GSDME: variants seen among roughly 807,000 people sequenced by gnomAD.
GSDME encodes the protein gasdermin-E.
A neutral mutation model predicts 47.5 loss-of-function variants in GSDME; 44 were observed. That is an observed-to-expected ratio of 0.93 (90% confidence interval 0.73 to 1.19). The LOEUF (loss-of-function observed/expected upper bound fraction) is 1.19. GSDME is among the 50% of genes most tolerant of loss of function. GSDME has a pLI of 0.00. For synonymous variants in GSDME, 258 were observed against 252.8 expected, an observed-to-expected ratio of 1.02 and a Z score of -0.20; for missense variants, 663 against 604.2, an observed-to-expected ratio of 1.10 and a Z score of -1.02.
At chr7:24,723,856 A>G (rs1468433754) in intron 3 of GSDME, among the ~76,000 whole-genome samples, 1 of 152,208 alleles carries the variant, frequency 6.6e-6, no homozygotes, top group Non-Finnish European at 1.5e-5. Flanking sequence ...TGGAGGCTGG[A>G]AAAGCAAGTT....
chr7:24,770,849 A>C, the GSDME span, among the ~76,000 whole-genome samples: 3 of 152,076 alleles, frequency 2.0e-5, no homozygotes, highest in East Asian at 5.8e-4. This position sits in a 1 kb window ranked among gnomAD's most constrained non-coding sequence, Gnocchi z 4.6. Flanking sequence ...AAACTTCAAA[A>C]CCAAAAAGCA....
chr7:24,786,748 C>T, the GSDME span, among the ~76,000 whole-genome samples: 1 of 152,158 alleles, frequency 6.6e-6, no homozygotes, highest in South Asian at 2.1e-4. The surrounding 1 kb of genome is among the most constrained non-coding windows in gnomAD (Gnocchi z 5.5). Flanking sequence ...GATGGCTGCA[C>T]AGCAATGTGA....
chr7:24,709,016 C>G (rs1320483807), intron 6 of GSDME, among the ~76,000 whole-genome samples: 1 of 152,186 alleles, frequency 6.6e-6, no homozygotes, highest in African/African-American at 2.4e-5. Context: ...GGGATGCACA[C>G]TAATACATCA....
intron 7 of GSDME, 44 bp from the exon 8 acceptor site, chr7:24,706,420 C>T (rs1445973783): frequency 6.3e-7 from 1 of 1,587,152 alleles, no homozygotes. Context: ...AGCTGGAGAC[C>T]AAGCGCCACA....
chr7:24,719,756 G>A (rs912217590), intron 3 of GSDME, among the ~76,000 whole-genome samples: 3 of 151,930 alleles, frequency 2.0e-5, no homozygotes, highest in African/African-American at 7.3e-5. Flanking sequence ...TCATGCCATT[G>A]CGCTCCAGCC....
chr7:24,747,842 A>G lies in GSDME; in HGVS notation c.211+1722T>C, dbSNP rs146948185. 6.7e-3 allele frequency among the ~76,000 whole-genome samples: 1,013 copies of G among 151,430 alleles called. 9 individuals are homozygous for G. The highest frequency in any genetic ancestry group is 0.023 in the African/African-American group (969 of 41,248). On this transcript the variant is annotated intron_variant, in intron 2 of 9. Coordinates refer to ENST00000645220, the MANE Select transcript of GSDME (RefSeq NM_001127453.2). ...GCCACCATGCCTGGCTAATTTTTCT[A>G]TTTTTTTGTAGAGATGGGGTTTGCC...
At chr7:24,727,374 G>C (rs1423749391) in intron 3 of GSDME, among the ~76,000 whole-genome samples, 1 of 152,210 alleles carries the variant, frequency 6.6e-6, no homozygotes, top group Non-Finnish European at 1.5e-5. Context: ...AGTACTGCCA[G>C]AGCTGGTTTC....
the GSDME span, among the ~76,000 whole-genome samples, chr7:24,766,158 T>C: frequency 6.6e-6 from 1 of 151,432 alleles, no homozygotes; most frequent in African/African-American, 2.4e-5. This position sits in a 1 kb window ranked among gnomAD's most constrained non-coding sequence, Gnocchi z 4.2. Flanking sequence ...GTGATTTCTA[T>C]GGCCATGATA....
chr7:24,741,047 G>A (rs924661824), intron 3 of GSDME, among the ~76,000 whole-genome samples: 6 of 152,154 alleles, frequency 3.9e-5, no homozygotes, highest in African/African-American at 1.2e-4. Context: ...TCAGCCAGGA[G>A]AAAGCCTTCA....
At chr7:24,707,482 C>G (rs990309029) in intron 7 of GSDME, 1 of 467,416 alleles carries the variant, frequency 2.1e-6, no homozygotes, top group African/African-American at 2.0e-5. Flanking sequence ...ATGGAACAGG[C>G]TGACTTTATA....
At chr7:24,708,917 T>G (rs1305421031) in intron 6 of GSDME, among the ~76,000 whole-genome samples, 1 of 152,188 alleles carries the variant, frequency 6.6e-6, no homozygotes, top group East Asian at 1.9e-4. Context: ...TTTGTTTGTT[T>G]GTTTGTTTTT....
intron 3 of GSDME, among the ~76,000 whole-genome samples, chr7:24,740,815 T>C (rs1449677344): frequency 6.6e-6 from 1 of 152,216 alleles, no homozygotes; most frequent in Non-Finnish European, 1.5e-5. Flanking sequence ...CATTACTGTA[T>C]GTGCATAGAA....
chr7:24,726,605 C>T lies in GSDME; in HGVS notation c.405-7387G>A, dbSNP rs1020490870. On this transcript the variant is annotated intron_variant, in intron 3 of 9. Transcript: ENST00000645220. The surrounding 1 kb of genome is among the most constrained non-coding windows in gnomAD (Gnocchi z 5.6). ...TTGGGAGGCCGAGGCGGGCGGATCA[C>T]GAGGTCAGGAGATCGAGACCATCCT... Among the ~76,000 whole-genome samples, 4 of 152,214 alleles carry T rather than the reference C, an allele frequency of 2.6e-5. No individual in the cohort carries two copies. Among genetic ancestry groups the T allele is most frequent in the Admixed American group, 1.3e-4 (2 of 15,292 alleles).
In GSDME at chr7:24,712,209, C is replaced by T. The variant is rs1318034916; in HGVS notation, c.698-1821G>A. On this transcript the variant is annotated intron_variant, in intron 5 of 9. Transcript: ENST00000645220. The surrounding 1 kb of genome is among the most constrained non-coding windows in gnomAD (Gnocchi z 4.4). ...GGCCCACACCAGCATTCAGGCTGAC[C>T]CTACTCCTCCACACTTTGCGCTTAG... Among the ~76,000 whole-genome samples, 1 of 152,212 alleles carries T rather than the reference C, an allele frequency of 6.6e-6. No individual in the cohort carries two copies. The highest frequency in any genetic ancestry group is 2.4e-5 in the African/African-American group (1 of 41,440).
At chr7:24,743,812 G>A (rs1790563371) in intron 3 of GSDME, among the ~76,000 whole-genome samples, 1 of 152,206 alleles carries the variant, frequency 6.6e-6, no homozygotes, top group South Asian at 2.1e-4. Flanking sequence ...CACTTTCTAA[G>A]TTCGTAGCCC....
In GSDME at chr7:24,756,832, G is replaced by A. The variant is rs951814323; in HGVS notation, c.-20+564C>T. On this transcript the variant is annotated intron_variant, in intron 1 of 9. Transcript: ENST00000645220. This position sits in a 1 kb window ranked among gnomAD's most constrained non-coding sequence, Gnocchi z 4.2. The stretch of plus-strand genomic sequence containing the variant: ...TTCCAGCGCATGCCAGGCACACCGA[G>A]TGGGGCTTGGCCTCCTCCCCAAGCT... 1.3e-5 allele frequency among the ~76,000 whole-genome samples: 2 copies of A among 152,198 alleles called. No homozygotes were observed. Among genetic ancestry groups the A allele is most frequent in the East Asian group, 3.9e-4 (2 of 5,186 alleles).
intron 1 of GSDME, among the ~76,000 whole-genome samples, chr7:24,752,281 G>A (rs962435413): frequency 1.1e-4 from 16 of 152,308 alleles, no homozygotes; most frequent in Admixed American, 2.0e-4. Flanking sequence ...GCACTGGAAT[G>A]CAGCATTCCA....
the GSDME span, among the ~76,000 whole-genome samples, chr7:24,764,545 T>C: frequency 2.6e-5 from 4 of 152,108 alleles, no homozygotes; most frequent in Admixed American, 2.0e-4. This position sits in a 1 kb window ranked among gnomAD's most constrained non-coding sequence, Gnocchi z 4.4. Flanking sequence ...TGCAAGTAAA[T>C]CCATCTTCTT....
At position 24,705,826 on chromosome 7, in the gene GSDME, C is replaced by T; in HGVS notation, c.1183+358G>A. The T allele has an allele frequency of 5.3e-6, 2 of 376,680 alleles. No homozygotes were observed. The highest frequency in any genetic ancestry group is 1.0e-5 in the Non-Finnish European group (2 of 196,798). 23.3% of individuals were successfully genotyped at this position (376,680 alleles called of 1,614,324 possible). A position where few individuals can be genotyped will look rare whatever the true frequency, so the allele number is the denominator to read the frequency against. ...TGAAATGCTGGAGGAGAGCAGTTGG[C>T]AAATGAAAGTTGCTGCCACTCAGCT... On this transcript the variant is annotated intron_variant, in intron 8 of 9. Coordinates refer to ENST00000645220, the MANE Select transcript of GSDME (RefSeq NM_001127453.2). The surrounding 1 kb of genome is among the most constrained non-coding windows in gnomAD (Gnocchi z 4.1).
Sources: allele counts gnomAD v4.1 joint callset (sites outside exome capture counted in the v4.1 genomes callset), GRCh38; gene constraint gnomAD v4.1.1; non-coding constraint Gnocchi (gnomAD v3.1); transcripts MANE v1.5; gene names NCBI Gene and HGNC (gene_info 2026-07-23, HGNC 2026-07-21).